Variants in PLEKHD1 observed in about 807,000 individuals in gnomAD.
The protein encoded by PLEKHD1 is pleckstrin homology domain-containing family D member 1.
Under a neutral mutation model 69.2 loss-of-function variants are expected in PLEKHD1, and 51 were observed. The observed-to-expected ratio is 0.74, with a 90% CI of 0.59 to 0.93. PLEKHD1 has a LOEUF of 0.93. Among genes scored for constraint, PLEKHD1 ranks in the 40% least tolerant of loss-of-function variants. The pLI, the probability that PLEKHD1 is intolerant of heterozygous loss-of-function variation, is 0.00. For missense variants in PLEKHD1, 584 were observed against 641.0 expected (o/e 0.91, Z 0.96); for synonymous variants, 236 against 244.7 (o/e 0.96, Z 0.33).
chr14:69,468,892 A>G, the PLEKHD1 span, among the ~76,000 whole-genome samples: 1 of 152,148 alleles, frequency 6.6e-6, no homozygotes, highest in Non-Finnish European at 1.5e-5. Context: ...GACAATCACC[A>G]TTTATTTCTA....
At chr14:69,515,689 G>A (rs1217148771) in intron 6 of PLEKHD1, among the ~76,000 whole-genome samples, 1 of 152,180 alleles carries the variant, frequency 6.6e-6, no homozygotes, top group Non-Finnish European at 1.5e-5. Context: ...GCAGGAGCAA[G>A]AGAGAGAGCA....
At chr14:69,501,937 G>A (rs1883035912) in intron 5 of PLEKHD1, 112 bp downstream of exon 5, 1 of 954,476 alleles carries the variant, frequency 1.0e-6, no homozygotes, top group Non-Finnish European at 1.5e-6. Context: ...GTGGGGCTAT[G>A]AGGGAACAGA....
chr14:69,514,718 G>C (rs1883345289), intron 6 of PLEKHD1, among the ~76,000 whole-genome samples: 1 of 152,082 alleles, frequency 6.6e-6, no homozygotes, highest in Admixed American at 6.5e-5. Context: ...TAGTGATGTG[G>C]TGGTCTTAGC....
Position 69,527,991 on chromosome 14 carries a change from A to G in PLEKHD1, c.1351+59A>G, listed in dbSNP as rs1042737400. 5 of 1,547,210 alleles carry G rather than the reference A, an allele frequency of 3.2e-6. No individual in the cohort carries two copies. In the Admixed American group the frequency reaches 9.8e-5, roughly 30 times the overall value. On this transcript the variant is annotated intron_variant, in intron 12 of 12. Coordinates refer to ENST00000322564, the MANE Select transcript of PLEKHD1 (RefSeq NM_001161498.2). ...GGTGACAAGGCAGGAAGAGGGCAAC[A>G]TGGGGAGCCAGAAGGGTTGGCCCAG...
At chr14:69,493,389 G>A (rs144387689) in intron 1 of PLEKHD1, among the ~76,000 whole-genome samples, 22 of 152,288 alleles carry the variant, frequency 1.4e-4, no homozygotes, top group Admixed American at 5.2e-4. Flanking sequence ...CTTACTAGTC[G>A]CTTAATCTCT....
intron 6 of PLEKHD1, among the ~76,000 whole-genome samples, chr14:69,515,771 CACCAAGGGGATG>C (rs1488530261): frequency 6.6e-6 from 1 of 152,194 alleles, no homozygotes; most frequent in Non-Finnish European, 1.5e-5. Flanking sequence ...GCTCACTTAT[CACCAAGGGGATG>C]ACCCAAGCTA....
intron 12 of PLEKHD1, 78 bp from the exon 13 acceptor site, chr14:69,528,172 G>A: frequency 1.3e-6 from 2 of 1,500,946 alleles, no homozygotes; most frequent in Non-Finnish European, 9.0e-7. Flanking sequence ...GTGAGGGGGT[G>A]GCATGAGGCT....
intron 1 of PLEKHD1, among the ~76,000 whole-genome samples, chr14:69,485,993 C>A (rs1482164535): frequency 6.6e-6 from 1 of 152,258 alleles, no homozygotes; most frequent in Admixed American, 6.5e-5. Flanking sequence ...AAGCTCCCAA[C>A]TGGCTGCAGG....
chr14:69,503,221 G>C lies in PLEKHD1; in HGVS notation c.555+342G>C, dbSNP rs956629701. ...GCTATAATGCCCTCTGTTATCCATA[G>C]AGGGCTATCTGGCACCTGAGGGTGA... On this transcript the variant is annotated intron_variant, in intron 6 of 12. Transcript: ENST00000322564. 30 of 328,176 alleles carry C rather than the reference G, an allele frequency of 9.1e-5. 2 individuals carry two copies. Among genetic ancestry groups the C allele is most frequent in the Middle Eastern group, 1.0e-3 (1 of 974 alleles). 20.3% of individuals were successfully genotyped at this position (328,176 alleles called of 1,614,324 possible). A position where few individuals can be genotyped will look rare whatever the true frequency, so the allele number is the denominator to read the frequency against.
At chr14:69,476,700 G>C in the PLEKHD1 span, among the ~76,000 whole-genome samples, 1 of 152,182 alleles carries the variant, frequency 6.6e-6, no homozygotes. Context: ...AAGAGCATGG[G>C]ACCTTCCCAG....
the PLEKHD1 span, among the ~76,000 whole-genome samples, chr14:69,468,334 A>G: frequency 1.3e-5 from 2 of 152,252 alleles, no homozygotes; most frequent in Non-Finnish European, 1.5e-5. Context: ...ACCAGACTGC[A>G]TGTGGCAGAT....
At chr14:69,504,187 A>G (rs1883100493) in intron 6 of PLEKHD1, among the ~76,000 whole-genome samples, 1 of 152,252 alleles carries the variant, frequency 6.6e-6, no homozygotes, top group African/African-American at 2.4e-5. Context: ...TGTGTTTGTT[A>G]GCATTATGAT....
intron 1 of PLEKHD1, among the ~76,000 whole-genome samples, chr14:69,495,529 T>C (rs1882869097): frequency 6.6e-6 from 1 of 152,228 alleles, no homozygotes; most frequent in Non-Finnish European, 1.5e-5. Context: ...CATAGCATCA[T>C]TGTGAGTGGT....
intron 1 of PLEKHD1, 106 bp from the exon 2 acceptor site, chr14:69,500,009 T>C (rs1430243350): frequency 1.4e-6 from 1 of 728,184 alleles, no homozygotes. Context: ...CTGGTGTCCC[T>C]GTGGGCTCCC....
At chr14:69,510,434 T>C (rs1883245356) in intron 6 of PLEKHD1, among the ~76,000 whole-genome samples, 1 of 152,208 alleles carries the variant, frequency 6.6e-6, no homozygotes, top group Admixed American at 6.5e-5. Context: ...GTATTTCATT[T>C]TGGAGGGTGC....
At chr14:69,500,035 C>T in intron 1 of PLEKHD1, 80 bp from the exon 2 acceptor site, 2 of 974,192 alleles carry the variant, frequency 2.1e-6, no homozygotes, top group Non-Finnish European at 3.2e-6. Context: ...AGTCCAGGGC[C>T]CCCAAGGGTG....
intron 6 of PLEKHD1, among the ~76,000 whole-genome samples, chr14:69,505,953 T>G (rs886078209): frequency 2.6e-5 from 4 of 152,174 alleles, no homozygotes; most frequent in Non-Finnish European, 4.4e-5. Flanking sequence ...CTGACTGAGT[T>G]GTGAGAGCTC....
At position 69,500,637 on chromosome 14, in the gene PLEKHD1, G is replaced by A; in HGVS notation, c.304G>A (p.Ala102Thr). 6.4e-7 allele frequency: 1 copy of A among 1,551,488 alleles called. No homozygotes were observed. The highest frequency in any genetic ancestry group is 8.7e-7 in the Non-Finnish European group (1 of 1,146,908). Residue 102 changes from alanine (A) to threonine (T), a missense_variant, in exon 3 of 13, where the codon GCC (alanine) becomes ACC (threonine). By Grantham distance (58) the Ala-to-Thr change is moderately conservative (BLOSUM62 0). Transcript: ENST00000322564. Reference sequence around the variant, plus strand: ...CAAGGAAGAGCCTAGCATGCCCTATGCCATGAAGATCTCCCACCAGGACTT... The same window carrying A: ...CAAGGAAGAGCCTAGCATGCCCTATACCATGAAGATCTCCCACCAGGACTT... The part of the protein sequence containing the change: ...EPKEEPSMPY[A>T]MKISHQDFHG...
rs1883723982 is a variant in PLEKHD1 at position 69,528,792 on chromosome 14, G to C, written c.*373G>C. The C allele has an allele frequency of 4.6e-6, 1 of 216,538 alleles. No individual in the cohort carries two copies. Among genetic ancestry groups the C allele is most frequent in the East Asian group, 1.1e-4 (1 of 8,766 alleles). The allele number at this position is 216,538 out of a possible 1,614,324, so 13.4% of individuals were successfully genotyped here. On this transcript the variant is annotated 3_prime_UTR_variant, in exon 13 of 13. Coordinates refer to ENST00000322564, the MANE Select transcript of PLEKHD1 (RefSeq NM_001161498.2). ...CAGGGTCTGCCCCACTGAGGAAGATGGCAGCCCTCCCTGGTGCCCACTGGA... is the reference window on the plus strand; with the variant it reads ...CAGGGTCTGCCCCACTGAGGAAGATCGCAGCCCTCCCTGGTGCCCACTGGA...
Sources: allele counts gnomAD v4.1 joint callset (sites outside exome capture counted in the v4.1 genomes callset), GRCh38; gene constraint gnomAD v4.1.1; transcripts MANE v1.5; gene names NCBI Gene and HGNC (gene_info 2026-07-23, HGNC 2026-07-21).